SPATA1: variants seen among roughly 807,000 people sequenced by gnomAD.
SPATA1 encodes the protein spermatogenesis-associated protein 1.
Under a neutral mutation model 59.6 loss-of-function variants are expected in SPATA1, and 57 were observed. The observed-to-expected ratio is 0.96, with a 90% confidence interval of 0.77 to 1.19. The LOEUF is 1.19. Among genes scored for constraint, SPATA1 ranks in the 50% most tolerant of loss-of-function variants. The probability of loss-of-function intolerance (pLI) is 0.00; values close to 1 mark genes in which losing one functional copy is unlikely to be tolerated. For synonymous variants in SPATA1, 147 were observed against 163.9 expected (o/e 0.90, Z 0.79); for missense variants, 448 against 480.7 (o/e 0.93, Z 0.64).
chr1:84,512,693 G>C, intron 1 of SPATA1, among the ~76,000 whole-genome samples: 1 of 152,166 alleles, frequency 6.6e-6, no homozygotes, highest in East Asian at 1.9e-4. Context: ...ATGGCAGATA[G>C]GTGATACATC....
chr1:84,540,080 CCCT>C (rs1341474270), intron 8 of SPATA1, among the ~76,000 whole-genome samples: 1 of 152,040 alleles, frequency 6.6e-6, no homozygotes, highest in Non-Finnish European at 1.5e-5. Context: ...TTCTCGACTC[CCCT>C]CCTTTTTATC....
At chr1:84,542,495 A>G (rs1411760023) in intron 8 of SPATA1, among the ~76,000 whole-genome samples, 1 of 151,982 alleles carries the variant, frequency 6.6e-6, no homozygotes, top group Non-Finnish European at 1.5e-5. Flanking sequence ...CATAGAATCT[A>G]CCAGGTTTTT....
intron 2 of SPATA1, among the ~76,000 whole-genome samples, chr1:84,519,542 T>G (rs1162175697): frequency 6.6e-6 from 1 of 152,102 alleles, no homozygotes; most frequent in African/African-American, 2.4e-5. Context: ...AGGTCATATT[T>G]ACTTCAAATT....
At chr1:84,559,529 C>T (rs1684547966), downstream of SPATA1, among the ~76,000 whole-genome samples, 1 of 151,768 alleles carries the variant, frequency 6.6e-6, no homozygotes, top group Non-Finnish European at 1.5e-5. Context: ...GGCTAAGGCA[C>T]GAGACTCACT....
intron 10 of SPATA1, among the ~76,000 whole-genome samples, chr1:84,547,267 C>T (rs1684120635): frequency 6.6e-6 from 1 of 152,196 alleles, no homozygotes; most frequent in Non-Finnish European, 1.5e-5. Flanking sequence ...AGACAAGTTA[C>T]TTCCCCTCTT....
chr1:84,525,343 T>C (rs1384933677), intron 4 of SPATA1, among the ~76,000 whole-genome samples: 1 of 152,212 alleles, frequency 6.6e-6, no homozygotes, highest in African/African-American at 2.4e-5. Context: ...AAAATAAAGT[T>C]TACTAAGTTG....
chr1:84,563,613 A>G (rs1283766054), intron 4 of SPATA1: 1 of 678,218 alleles, frequency 1.5e-6, no homozygotes, highest in African/African-American at 1.9e-5. Flanking sequence ...AGTAAAAATA[A>G]ATAATTTTTA....
At chr1:84,540,589 T>TA (rs1485699550) in intron 8 of SPATA1, among the ~76,000 whole-genome samples, 3 of 152,226 alleles carry the variant, frequency 2.0e-5, no homozygotes, top group African/African-American at 7.2e-5. Flanking sequence ...ACTGTTCACG[T>TA]AGTCTTATAC....
intron 8 of SPATA1, among the ~76,000 whole-genome samples, chr1:84,535,407 G>A (rs1204356353): frequency 2.0e-5 from 3 of 152,084 alleles, no homozygotes; most frequent in East Asian, 1.9e-4. Flanking sequence ...AAATCACCGT[G>A]AATCTGTCAA....
At chr1:84,507,439 ATTC>A (rs1281658143) in intron 1 of SPATA1, 3 of 152,242 alleles carry the variant, frequency 2.0e-5, no homozygotes, top group South Asian at 4.1e-4. Context: ...TACTTACGGT[ATTC>A]TTGGGCAAGC....
chr1:84,510,049 A>G (rs1004281350), intron 1 of SPATA1, among the ~76,000 whole-genome samples: 8 of 152,118 alleles, frequency 5.3e-5, no homozygotes, highest in African/African-American at 1.9e-4. Flanking sequence ...AAAAAGCTGG[A>G]CATGGTGGCA....
downstream of SPATA1, among the ~76,000 whole-genome samples, chr1:84,557,063 G>A (rs530974425): frequency 6.7e-6 from 1 of 149,330 alleles, no homozygotes; most frequent in South Asian, 2.1e-4. Flanking sequence ...AATTGTAAAG[G>A]AACAAAGGGC....
At position 84,536,082 on chromosome 1, in the gene SPATA1, C is replaced by A. The variant is rs145240891; in HGVS notation, c.717+2316C>A. Among the ~76,000 whole-genome samples the A allele has an allele frequency of 2.0e-4, 30 of 152,266 alleles. No individual in the cohort carries two copies. In the East Asian group the frequency reaches 3.3e-3, roughly 17 times the overall value. On this transcript the variant is annotated intron_variant, in intron 8 of 12. Coordinates refer to ENST00000490879, the Ensembl canonical transcript of SPATA1. ...GTGTGACATGGGCCAAAAACTTTTA[C>A]AAATGAGAATCTCAGACTGGTTATT...
intron 4 of SPATA1, among the ~76,000 whole-genome samples, chr1:84,523,466 T>A (rs1200260922): frequency 6.6e-6 from 1 of 152,214 alleles, no homozygotes; most frequent in East Asian, 1.9e-4. Context: ...TGTGAATATT[T>A]GCTTAACATC....
chr1:84,551,729 A>G (rs1684278914), intron 12 of SPATA1: 1 of 152,166 alleles, frequency 6.6e-6, no homozygotes, highest in Non-Finnish European at 1.5e-5. Flanking sequence ...TTTTAACAAA[A>G]TATCAGTTAA....
At chr1:84,554,530 C>G (rs547602060) in exon 13 of SPATA1, 6 of 156,634 alleles carry the variant, frequency 3.8e-5, no homozygotes, top group South Asian at 1.9e-4. Context: ...AGGGGAGACA[C>G]TACATTGTAG....
At chr1:84,544,272 G>A (rs1351461510) in exon 9 of SPATA1, 1 of 1,588,140 alleles carries the variant, frequency 6.3e-7, no homozygotes, top group East Asian at 2.3e-5. Context: ...CTTTCTTCAG[G>A]AATAACTGAT....
intron 6 of SPATA1, among the ~76,000 whole-genome samples, chr1:84,529,703 G>A (rs1412266768): frequency 1.4e-5 from 2 of 145,050 alleles, no homozygotes; most frequent in African/African-American, 5.2e-5. Flanking sequence ...TCAGCCTTCC[G>A]ATAGCTGGAA....
At chr1:84,529,731 C>CA (rs1334978604) in intron 6 of SPATA1, among the ~76,000 whole-genome samples, 8 of 151,910 alleles carry the variant, frequency 5.3e-5, no homozygotes, top group Non-Finnish European at 7.4e-5. Flanking sequence ...TGCCTGCCAC[C>CA]ACACCCAGCT....
Sources: allele counts gnomAD v4.1 joint callset (sites outside exome capture counted in the v4.1 genomes callset), GRCh38; gene constraint gnomAD v4.1.1; transcripts MANE v1.5; gene names NCBI Gene and HGNC (gene_info 2026-07-23, HGNC 2026-07-21).